PPP2R2B: variants seen among roughly 807,000 people sequenced by gnomAD.
PPP2R2B encodes protein phosphatase 2 regulatory subunit Bbeta.
A neutral mutation model predicts 46.0 loss-of-function variants in PPP2R2B; 5 were observed. The observed-to-expected ratio is 0.11, with a 90% confidence interval of 0.06 to 0.23. PPP2R2B has a LOEUF of 0.23. Among genes scored for constraint, PPP2R2B ranks in the 10% least tolerant of loss-of-function variants. The pLI is 1.00. For missense variants in PPP2R2B, 367 were observed against 575.0 expected, an observed-to-expected ratio of 0.64 and a Z score of 3.70; for synonymous variants, 215 against 206.7, an observed-to-expected ratio of 1.04 and a Z score of -0.34.
chr5:146,803,688 T>C (rs898994507), intron 2 of PPP2R2B, among the ~76,000 whole-genome samples: 4 of 152,180 alleles, frequency 2.6e-5, no homozygotes, highest in Non-Finnish European at 5.9e-5. Flanking sequence ...CCAGTCACCC[T>C]GGGGTAATGG....
upstream of PPP2R2B, among the ~76,000 whole-genome samples, chr5:146,879,428 C>A (rs1221902078): frequency 1.3e-5 from 2 of 152,184 alleles, no homozygotes; most frequent in African/African-American, 4.8e-5. Context: ...CTCTCCCTTG[C>A]AGTTTGCACT....
At chr5:146,600,901 A>G (rs147873893) in intron 7 of PPP2R2B, among the ~76,000 whole-genome samples, 5 of 152,298 alleles carry the variant, frequency 3.3e-5, no homozygotes, top group African/African-American at 9.6e-5. Flanking sequence ...CTAAATTTAG[A>G]ATATGTTCTT....
At chr5:146,774,028 G>A (rs1248572255) in intron 2 of PPP2R2B, among the ~76,000 whole-genome samples, 1 of 152,188 alleles carries the variant, frequency 6.6e-6, no homozygotes, top group African/African-American at 2.4e-5. Context: ...CAAAACAAGA[G>A]AGAAAACTGT....
intron 5 of PPP2R2B, among the ~76,000 whole-genome samples, chr5:146,690,312 T>C (rs1282018204): frequency 1.3e-5 from 2 of 152,216 alleles, no homozygotes; most frequent in Non-Finnish European, 2.9e-5. Context: ...CCTTAAAAGA[T>C]CGCTTTGAGA....
intron 1 of PPP2R2B, among the ~76,000 whole-genome samples, chr5:146,944,035 ATTT>A (rs958450202): frequency 1.1e-4 from 16 of 152,192 alleles, no homozygotes; most frequent in African/African-American, 3.6e-4. Flanking sequence ...GTAACTTGCT[ATTT>A]AGCTACAGAG....
intron 1 of PPP2R2B, chr5:147,055,566 C>T: frequency 9.6e-7 from 1 of 1,039,526 alleles, no homozygotes; most frequent in Non-Finnish European, 1.5e-6. Context: ...TGACAGTCAC[C>T]TAGTAGCTAC....
chr5:146,802,562 G>A (rs1166815894), intron 2 of PPP2R2B, among the ~76,000 whole-genome samples: 6 of 152,152 alleles, frequency 3.9e-5, no homozygotes, highest in Non-Finnish European at 7.3e-5. Flanking sequence ...TGGAATTTCA[G>A]TATCCCCAGG....
chr5:147,053,843 A>G (rs1756947466), intron 1 of PPP2R2B, among the ~76,000 whole-genome samples: 1 of 152,240 alleles, frequency 6.6e-6, no homozygotes, highest in African/African-American at 2.4e-5. Context: ...GGCATAGAGC[A>G]ATCAAGTGAC....
At chr5:146,643,303 G>A (rs1775349115) in intron 6 of PPP2R2B, among the ~76,000 whole-genome samples, 1 of 152,042 alleles carries the variant, frequency 6.6e-6, no homozygotes, top group African/African-American at 2.4e-5. Flanking sequence ...TCTGGGTGCA[G>A]GAGATACAGT....
At chr5:146,855,475 CACAA>C (rs1235756896) in intron 2 of PPP2R2B, among the ~76,000 whole-genome samples, 1 of 152,136 alleles carries the variant, frequency 6.6e-6, no homozygotes, top group Non-Finnish European at 1.5e-5. Flanking sequence ...TGCATACAGA[CACAA>C]ACACAGTATA....
At chr5:147,029,571 C>T (rs1377652917) in intron 1 of PPP2R2B, among the ~76,000 whole-genome samples, 1 of 152,150 alleles carries the variant, frequency 6.6e-6, no homozygotes, top group African/African-American at 2.4e-5. Context: ...CTAGACTGAA[C>T]TGTGCCCCCC....
chr5:146,857,935 C>T (rs1760773807), intron 2 of PPP2R2B, among the ~76,000 whole-genome samples: 1 of 152,162 alleles, frequency 6.6e-6, no homozygotes, highest in African/African-American at 2.4e-5. Flanking sequence ...GATCCGCCTG[C>T]CTTTGGCCTC....
chr5:146,656,708 T>G (rs1474308499), intron 5 of PPP2R2B: 1 of 152,460 alleles, frequency 6.6e-6, no homozygotes, highest in African/African-American at 2.4e-5. Context: ...CAAAGAGCTT[T>G]TATGGCTGGA....
At chr5:146,855,708 C>T (rs941149864) in intron 2 of PPP2R2B, among the ~76,000 whole-genome samples, 1 of 152,132 alleles carries the variant, frequency 6.6e-6, no homozygotes, top group Admixed American at 6.6e-5. Flanking sequence ...TAAAGAGAAT[C>T]TCTGATGATT....
intron 2 of PPP2R2B, among the ~76,000 whole-genome samples, chr5:146,798,894 C>T (rs1362327161): frequency 6.6e-6 from 1 of 152,160 alleles, no homozygotes; most frequent in East Asian, 1.9e-4. Context: ...TTAGCCACTT[C>T]ACTTCTGTCT....
chr5:146,614,238 C>T (rs1451767132), intron 7 of PPP2R2B, among the ~76,000 whole-genome samples: 1 of 118,582 alleles, frequency 8.4e-6, no homozygotes, highest in Non-Finnish European at 1.6e-5. Context: ...CTGAGAAAAA[C>T]AAGCAATGGG....
rs116173340 is a variant in PPP2R2B, at chr5:147,076,429, T to C, written c.50+4630A>G. Among the ~76,000 whole-genome samples the C allele has an allele frequency of 9.7e-3, 1,473 of 152,266 alleles. 9 individuals are homozygous for C. The highest frequency in any genetic ancestry group is 0.024 in the Middle Eastern group (7 of 292). The stretch of plus-strand genomic sequence containing the variant: ...GATCATATATGCATAATCAAGAGGT[T>C]AGAAAAATATAAACTTTTAACAGTG... On this transcript the variant is annotated intron_variant, in intron 2 of 10. Coordinates refer to the PPP2R2B transcript ENST00000394413.
At chr5:146,962,776 C>G (rs571238771) in intron 1 of PPP2R2B, among the ~76,000 whole-genome samples, 1 of 152,168 alleles carries the variant, frequency 6.6e-6, no homozygotes, top group African/African-American at 2.4e-5. Flanking sequence ...AAGTTCGCTG[C>G]GGAACTTGCC....
chr5:146,785,929 T>C (rs1755811252), intron 2 of PPP2R2B, among the ~76,000 whole-genome samples: 1 of 152,052 alleles, frequency 6.6e-6, no homozygotes, highest in Non-Finnish European at 1.5e-5. Context: ...TACAAAAATA[T>C]AGTCAGATAG....
Sources: allele counts gnomAD v4.1 joint callset (sites outside exome capture counted in the v4.1 genomes callset), GRCh38; gene constraint gnomAD v4.1.1; transcripts MANE v1.5; gene names NCBI Gene and HGNC (gene_info 2026-07-23, HGNC 2026-07-21).